LRRC8E: variants seen among roughly 807,000 people sequenced by gnomAD.
The protein encoded by LRRC8E is volume-regulated anion channel subunit LRRC8E.
LRRC8E carries 6 observed loss-of-function variants against 6.1 expected under a neutral mutation model. The observed-to-expected ratio is 0.98, with a 90% CI of 0.54 to 1.93. The LOEUF (loss-of-function observed/expected upper bound fraction) is 1.93. Among genes scored for constraint, LRRC8E ranks in the 30% most tolerant of loss-of-function variants. The pLI is 0.01. For synonymous variants in LRRC8E, 485 were observed against 472.8 expected (o/e 1.03, Z -0.33); for missense variants, 1,028 against 1,031.4 (o/e 1.00, Z 0.04).
intron 2 of LRRC8E, among the ~76,000 whole-genome samples, chr19:7,896,179 A>G (rs1453018583): frequency 6.7e-6 from 1 of 148,604 alleles, no homozygotes; most frequent in Admixed American, 6.8e-5. Context: ...ACCTCAAGTG[A>G]CCTGCCTGCC....
In LRRC8E at chr19:7,899,350, T is replaced by C. The variant is rs191792215; in HGVS notation, c.828T>C (p.Tyr276=). 2.0e-5 allele frequency: 33 copies of C among 1,614,208 alleles called. No individual in the cohort carries two copies. In the Admixed American group the frequency reaches 5.2e-4, roughly 25 times the overall value. ...FLAILVYNLV[Y]VEKISFLVAC... is the part of the protein sequence containing the mutation. ...CCATCCTGGTCTACAACCTGGTCTA[T>C]GTGGAGAAGATCAGTTTCCTGGTGG... The change falls in exon 3 of 3, where the codon TAT becomes TAC. Residue 276 remains tyrosine (Y), a synonymous_variant. Transcript: ENST00000306708.
At chr19:7,891,862 G>A (rs534345112) in intron 1 of LRRC8E, among the ~76,000 whole-genome samples, 41 of 152,158 alleles carry the variant, frequency 2.7e-4, no homozygotes, top group Non-Finnish European at 5.1e-4. Context: ...CGCCTACCTT[G>A]GCCTCCCAAA....
chr19:7,893,557 T>C (rs1052152446), intron 1 of LRRC8E: 2 of 151,496 alleles, frequency 1.3e-5, no homozygotes, highest in Non-Finnish European at 2.9e-5. Context: ...TTTTTTTTTT[T>C]TTTTTCCCGA....
Position 7,895,303 on chromosome 19 carries a change from G to A in LRRC8E, c.-5-296G>A, listed in dbSNP as rs573328553. The A allele has an allele frequency of 6.9e-5, 21 of 303,274 alleles. No individual in the cohort carries two copies. The highest frequency in any genetic ancestry group is 4.9e-4 in the East Asian group (9 of 18,196). The allele number at this position is 303,274 out of a possible 1,614,324, so 18.8% of individuals were successfully genotyped here. On this transcript the variant is annotated intron_variant, in intron 1 of 2. Transcript: ENST00000306708. The surrounding 1 kb of genome is among the most constrained non-coding windows in gnomAD (Gnocchi z 4.7). ...GGGCCACCCGAGGAGGCTGGAGGGCGGCGGCCCTGTGGACTATCCCTCATG... is the reference window on the plus strand; with the variant it reads ...GGGCCACCCGAGGAGGCTGGAGGGCAGCGGCCCTGTGGACTATCCCTCATG...
chr19:7,900,412 G>GA lies in LRRC8E; in HGVS notation c.1892dup (p.Leu632AlafsTer16). On this transcript the variant is annotated frameshift_variant, in exon 3 of 3. Transcript: ENST00000306708. LOFTEE classifies it low-confidence loss of function (END_TRUNC). This position sits in a 1 kb window ranked among gnomAD's most constrained non-coding sequence, Gnocchi z 5.0. Reference sequence around the variant, plus strand: ...AAATCCTCAGCTTCCAGCACTGCCGGAAGCTGGTCACGCTCAGGCTGTGGC... The same window carrying GA: ...AAATCCTCAGCTTCCAGCACTGCCGGAAAGCTGGTCACGCTCAGGCTGTGGC... 1 of 1,612,926 alleles carries GA rather than the reference G, an allele frequency of 6.2e-7. No individual in the cohort carries two copies. Among genetic ancestry groups the GA allele is most frequent in the Admixed American group, 1.7e-5 (1 of 60,000 alleles).
At chr19:7,896,438 G>T (rs1379971125) in intron 2 of LRRC8E, among the ~76,000 whole-genome samples, 2 of 151,292 alleles carry the variant, frequency 1.3e-5, no homozygotes, top group Non-Finnish European at 2.9e-5. Context: ...GCCAGGCATG[G>T]TGGTGGACAC....
At chr19:7,897,502 T>A (rs886212024) in intron 2 of LRRC8E, among the ~76,000 whole-genome samples, 3 of 149,032 alleles carry the variant, frequency 2.0e-5, no homozygotes, top group Non-Finnish European at 3.0e-5. Context: ...TTTTTTTTTT[T>A]AAGCAAGCTC....
At chr19:7,893,732 A>C (rs981718558) in intron 1 of LRRC8E, 1 of 151,622 alleles carries the variant, frequency 6.6e-6, no homozygotes, top group African/African-American at 2.4e-5. Flanking sequence ...ACGGGGTTTC[A>C]CCATGCTGGC....
intron 1 of LRRC8E, among the ~76,000 whole-genome samples, chr19:7,890,189 TC>T (rs764450042): frequency 7.9e-5 from 12 of 152,080 alleles, no homozygotes; most frequent in Admixed American, 4.6e-4. Context: ...CTCCCACCCT[TC>T]CCCCAGCAGG....
chr19:7,898,746 G>A lies in LRRC8E; in HGVS notation c.224G>A (p.Arg75Gln), dbSNP rs923293235. 48 of 1,613,892 alleles carry A rather than the reference G, an allele frequency of 3.0e-5. No homozygotes were observed. Among genetic ancestry groups the A allele is most frequent in the East Asian group, 4.5e-5 (2 of 44,900 alleles). ...GCCCCGTGCCAGCAATTGCTGCCTC[G>A]GGGGATCCCTGAGCAGATTGGGGCC... ...SEAPCQQLLPRGIPEQIGALQ... is the reference protein window; with the variant it reads ...SEAPCQQLLPQGIPEQIGALQ... Residue 75 changes from arginine to glutamine, a missense_variant, in exon 3 of 3, where the codon CGG becomes CAG. Arg to Gln is a conservative substitution (Grantham distance 43). Coordinates refer to ENST00000306708, the MANE Select transcript of LRRC8E (RefSeq NM_025061.6).
chr19:7,900,809 G>A lies in LRRC8E; in HGVS notation c.2287G>A (p.Glu763Lys). ...KGNRLEALPE[E>K]LGNCGGLKKA... ...CAACCGCTTAGAGGCGCTGCCAGAAGAACTTGGCAACTGTGGGGGGCTCAA... is the reference window on the plus strand; with the variant it reads ...CAACCGCTTAGAGGCGCTGCCAGAAAAACTTGGCAACTGTGGGGGGCTCAA... Residue 763 changes from glutamate (E) to lysine (K), a missense_variant, in exon 3 of 3, where the codon GAA (glutamate) becomes AAA (lysine). Coordinates refer to ENST00000306708, the MANE Select transcript of LRRC8E (RefSeq NM_025061.6). The surrounding 1 kb of genome is among the most constrained non-coding windows in gnomAD (Gnocchi z 5.0). The A allele has an allele frequency of 1.3e-6, 2 of 1,597,968 alleles. No individual in the cohort carries two copies. Among genetic ancestry groups the A allele is most frequent in the Admixed American group, 3.4e-5 (2 of 58,206 alleles).
At position 7,898,827 on chromosome 19, in the gene LRRC8E, T is replaced by TTAAAA. The variant is rs1240727196; in HGVS notation, c.308_309insAATAA (p.Asn103LysfsTer87). On this transcript the variant is annotated frameshift_variant, in exon 3 of 3. Coordinates refer to ENST00000306708, the MANE Select transcript of LRRC8E (RefSeq NM_025061.6). LOFTEE classifies it low-confidence loss of function (END_TRUNC). Reference sequence around the variant, plus strand: ...TTGGACCTGCAGCAATACAGCTTTATTAACCAGCTGTGTTATGAGACGGCC... The same window carrying TTAAAA: ...TTGGACCTGCAGCAATACAGCTTTATTAAAATAACCAGCTGTGTTATGAGACGGCC... 5 of 1,614,238 alleles carry TTAAAA rather than the reference T, an allele frequency of 3.1e-6. No individual in the cohort carries two copies. Among genetic ancestry groups the TTAAAA allele is most frequent in the Non-Finnish European group, 4.2e-6 (5 of 1,180,036 alleles).
chr19:7,899,097 G>C lies in LRRC8E; in HGVS notation c.575G>C (p.Gly192Ala). ...GCGGCCACCATAGTGGCCATGGCAG[G>C]GACCGGGCCGGGGAAGGCAGGGGAG... ...RAAATIVAMA[G>A]TGPGKAGEGE... The change falls in exon 3 of 3, where the codon GGG (glycine) becomes GCG (alanine). Residue 192 changes from glycine (G) to alanine (A), a missense_variant. Transcript: ENST00000306708. 6.2e-7 allele frequency: 1 copy of C among 1,612,998 alleles called. No individual in the cohort carries two copies. The highest frequency in any genetic ancestry group is 1.7e-5 in the Admixed American group (1 of 60,008).
chr19:7,896,502 A>G (rs773864331), intron 2 of LRRC8E, among the ~76,000 whole-genome samples: 29 of 151,474 alleles, frequency 1.9e-4, no homozygotes, highest in Non-Finnish European at 3.7e-4. Context: ...TGAACCTGGG[A>G]GGTGGAGGTT....
At chr19:7,890,451 C>T (rs1034747674) in intron 1 of LRRC8E, among the ~76,000 whole-genome samples, 6 of 152,038 alleles carry the variant, frequency 3.9e-5, no homozygotes, top group East Asian at 3.9e-4. Flanking sequence ...ATTGCAGTGG[C>T]GCAATCACGG....
In LRRC8E at chr19:7,895,146, G is replaced by A. The variant is rs536222354; in HGVS notation, c.-5-453G>A. ...CCCCGGAAGTCCTGAGCCTTGGAAC[G>A]CTTTCAGGCCTGGTGGCGGTGGGAG... On this transcript the variant is annotated intron_variant, in intron 1 of 2. Coordinates refer to ENST00000306708, the MANE Select transcript of LRRC8E (RefSeq NM_025061.6). This position sits in a 1 kb window ranked among gnomAD's most constrained non-coding sequence, Gnocchi z 4.7. 64 of 158,362 alleles carry A rather than the reference G, an allele frequency of 4.0e-4. No homozygotes were observed. The highest frequency in any genetic ancestry group is 2.0e-3 in the Admixed American group (34 of 16,590). 9.8% of individuals were successfully genotyped at this position (158,362 alleles called of 1,614,324 possible).
intron 1 of LRRC8E, among the ~76,000 whole-genome samples, chr19:7,891,899 C>T (rs1409251387): frequency 6.6e-6 from 1 of 151,702 alleles, no homozygotes; most frequent in Non-Finnish European, 1.5e-5. Flanking sequence ...CGAGAGCCAC[C>T]GCGCCCGGCC....
At chr19:7,898,228 A>C (rs1037800295) in intron 2 of LRRC8E, among the ~76,000 whole-genome samples, 1 of 151,808 alleles carries the variant, frequency 6.6e-6, no homozygotes, top group Non-Finnish European at 1.5e-5. Flanking sequence ...AAAAAAAAAA[A>C]AAACAGTGCT....
chr19:7,899,490 A>G lies in LRRC8E; in HGVS notation c.968A>G (p.Tyr323Cys). ...TGTTACATCTCCTTTGTGTGCATCT[A>G]CGGACTTACCTGCATCTACACGCTC... Reference protein sequence around the residue: ...AFCYISFVCIYGLTCIYTLYW... With the variant: ...AFCYISFVCICGLTCIYTLYW... Residue 323 changes from tyrosine to cysteine, a missense_variant, in exon 3 of 3, where the codon TAC becomes TGC. Coordinates refer to ENST00000306708, the MANE Select transcript of LRRC8E (RefSeq NM_025061.6). 5 of 1,613,136 alleles carry G rather than the reference A, an allele frequency of 3.1e-6. No individual in the cohort carries two copies. Among genetic ancestry groups the G allele is most frequent in the South Asian group, 1.1e-5 (1 of 91,006 alleles).
Sources: gnomAD v4.1 joint callset for allele counts (sites outside exome capture counted in the v4.1 genomes callset) on GRCh38, gnomAD v4.1.1 for gene constraint, Gnocchi (gnomAD v3.1) non-coding constraint, MANE v1.5 for transcripts, NCBI Gene and HGNC (gene_info 2026-07-23, HGNC 2026-07-21) for gene names.